The following TLK2 variants were observed in gnomAD, a reference collection of about 807,000 sequenced individuals.
TLK2 encodes the protein serine/threonine-protein kinase tousled-like 2.
TLK2 carries 6 observed loss-of-function variants against 117.3 expected under a neutral mutation model. That is an observed-to-expected ratio of 0.05 (90% CI 0.03 to 0.10). The LOEUF (loss-of-function observed/expected upper bound fraction) is 0.10, where lower values mean the gene tolerates loss of function less well. Among genes scored for constraint, TLK2 ranks in the 10% least tolerant of loss-of-function variants. The pLI is 1.00. For synonymous variants in TLK2, 257 were observed against 316.7 expected (o/e 0.81, Z 2.00); for missense variants, 299 against 901.2 (o/e 0.33, Z 8.56).
chr17:62,498,982 C>T (rs2073956736), intron 2 of TLK2, among the ~76,000 whole-genome samples: 1 of 152,104 alleles, frequency 6.6e-6, no homozygotes, highest in Non-Finnish European at 1.5e-5. Context: ...CCCACCTCAG[C>T]CTCCCTGAGT....
chr17:62,513,438 C>T (rs1448395407), intron 2 of TLK2, among the ~76,000 whole-genome samples: 4 of 150,552 alleles, frequency 2.7e-5, no homozygotes, highest in Admixed American at 6.7e-5. Flanking sequence ...CCGCCTGAGC[C>T]TTCTAATTAG....
At chr17:62,568,607 C>T (rs1167048535) in intron 11 of TLK2, among the ~76,000 whole-genome samples, 1 of 151,904 alleles carries the variant, frequency 6.6e-6, no homozygotes, top group African/African-American at 2.4e-5. Flanking sequence ...TATTTTGAGA[C>T]GGAGCCTCAC....
rs767956123 is a variant in TLK2, at chr17:62,552,290, C to T, written c.532-12C>T. On this transcript the variant is annotated splice_polypyrimidine_tract_variant and intron_variant, in intron 7 of 21. Transcript: ENST00000346027. Reference sequence around the variant, plus strand: ...AAACTTTCCTGTGATTGGTAATGCACCTTTATTGTAGGCTCAGCAAAACAG... The same window carrying T: ...AAACTTTCCTGTGATTGGTAATGCATCTTTATTGTAGGCTCAGCAAAACAG... 1.9e-6 allele frequency: 3 copies of T among 1,606,754 alleles called. No individual in the cohort carries two copies. Among genetic ancestry groups the T allele is most frequent in the South Asian group, 2.2e-5 (2 of 90,336 alleles).
At chr17:62,568,431 CAAA>C (rs57725124) in intron 11 of TLK2, among the ~76,000 whole-genome samples, 11 of 57,348 alleles carry the variant, frequency 1.9e-4, no homozygotes, top group Middle Eastern at 0.01. Flanking sequence ...GACCCTGTCT[CAAA>C]AAAAAAAAAA....
intron 20 of TLK2, among the ~76,000 whole-genome samples, chr17:62,606,468 A>G (rs1282816619): frequency 6.6e-6 from 1 of 152,210 alleles, no homozygotes; most frequent in Non-Finnish European, 1.5e-5. Flanking sequence ...GCTGTTAAAA[A>G]CATGCACTTT....
At position 62,520,732 on chromosome 17, in the gene TLK2, A is replaced by C. The variant is rs377372090; in HGVS notation, c.82-41A>C. On this transcript the variant is annotated intron_variant, in intron 2 of 21. Transcript: ENST00000346027. ...TCTTCTTCAGTTTTGCTATCCTCTTAGGATTAAAATTTATTTATTTATGAT... is the reference window on the plus strand; with the variant it reads ...TCTTCTTCAGTTTTGCTATCCTCTTCGGATTAAAATTTATTTATTTATGAT... 4.1e-5 allele frequency: 60 copies of C among 1,468,290 alleles called. 3 individuals carry two copies. The highest frequency in any genetic ancestry group is 2.2e-4 in the East Asian group (9 of 41,688). The allele number at this position is 1,468,290 out of a possible 1,614,324, so 91.0% of individuals were successfully genotyped here. A position where few individuals can be genotyped will look rare whatever the true frequency, so the allele number is the denominator to read the frequency against.
At chr17:62,574,206 C>G in intron 12 of TLK2, 1 of 1,347,860 alleles carries the variant, frequency 7.4e-7, no homozygotes, top group Non-Finnish European at 9.7e-7. Flanking sequence ...CTGTGGCATC[C>G]TAGAAGTGCA....
At chr17:62,578,925 TGTG>T (rs1199386317) in intron 14 of TLK2, among the ~76,000 whole-genome samples, 3 of 152,096 alleles carry the variant, frequency 2.0e-5, no homozygotes, top group Non-Finnish European at 4.4e-5. Context: ...TGGGTCACAG[TGTG>T]GTGTTGTGGA....
intron 2 of TLK2, among the ~76,000 whole-genome samples, chr17:62,487,279 G>A (rs1353081945): frequency 1.3e-5 from 2 of 149,504 alleles, no homozygotes; most frequent in Admixed American, 1.3e-4. Flanking sequence ...GCGACAGAGC[G>A]AGACTCTGTC....
chr17:62,536,140 T>A lies in TLK2; in HGVS notation c.364-30T>A, dbSNP rs763685465. On this transcript the variant is annotated intron_variant, in intron 6 of 21. Coordinates refer to ENST00000346027, the MANE Select transcript of TLK2 (RefSeq NM_006852.6). ...GCAGTATCAGATTATCTTTCTCATGTCATTTGTGTGTTTCTTTACTGTTTT... is the reference window on the plus strand; with the variant it reads ...GCAGTATCAGATTATCTTTCTCATGACATTTGTGTGTTTCTTTACTGTTTT... 3.1e-6 allele frequency: 5 copies of A among 1,599,600 alleles called. No individual in the cohort carries two copies. The Admixed American group carries it at 8.5e-5, about 27-fold the overall frequency.
intron 2 of TLK2, among the ~76,000 whole-genome samples, chr17:62,515,539 T>C (rs1377143318): frequency 2.0e-5 from 3 of 152,196 alleles, no homozygotes; most frequent in Admixed American, 2.0e-4. Flanking sequence ...CCTCAATGGA[T>C]GTGAGGCGGT....
intron 7 of TLK2, among the ~76,000 whole-genome samples, chr17:62,541,819 G>A (rs2077556659): frequency 6.6e-6 from 1 of 151,680 alleles, no homozygotes; most frequent in African/African-American, 2.4e-5. Context: ...TCCAGCCTGG[G>A]TGACAAAGTG....
At chr17:62,499,408 G>A (rs2073997510) in intron 2 of TLK2, among the ~76,000 whole-genome samples, 3 of 151,292 alleles carry the variant, frequency 2.0e-5, no homozygotes, top group African/African-American at 7.3e-5. Flanking sequence ...CAAGTGATTC[G>A]CCCACCTCAG....
rs115581187 is a variant in TLK2, at chr17:62,611,101, G to T, written c.2080-1291G>T. Among the ~76,000 whole-genome samples the T allele has an allele frequency of 2.4e-3, 359 of 152,248 alleles. 3 individuals are homozygous for T. Among genetic ancestry groups the T allele is most frequent in the African/African-American group, 6.7e-3 (277 of 41,526 alleles). On this transcript the variant is annotated intron_variant, in intron 21 of 21. Transcript: ENST00000346027. ...TACAATGAGCTATGATCATGCCCGTGCACTCCAGCCTGGGTGACAGAACGA... is the reference window on the plus strand; with the variant it reads ...TACAATGAGCTATGATCATGCCCGTTCACTCCAGCCTGGGTGACAGAACGA...
chr17:62,511,146 TTG>T (rs1209417091), intron 2 of TLK2, among the ~76,000 whole-genome samples: 1 of 152,240 alleles, frequency 6.6e-6, no homozygotes, highest in Admixed American at 6.5e-5. Flanking sequence ...CATGAATCAT[TTG>T]TGTGTGTGTA....
At chr17:62,490,552 T>C (rs2073003697) in intron 2 of TLK2, among the ~76,000 whole-genome samples, 1 of 152,204 alleles carries the variant, frequency 6.6e-6, no homozygotes, top group South Asian at 2.1e-4. Context: ...CTTTTTCTTT[T>C]TCTTTTTTGA....
chr17:62,574,435 A>G lies in TLK2; in HGVS notation c.1121+1068A>G, dbSNP rs183208888. On this transcript the variant is annotated intron_variant, in intron 12 of 21. Coordinates refer to ENST00000346027, the MANE Select transcript of TLK2 (RefSeq NM_006852.6). ...GGTGAGATGAACAGACGAATAAACT[A>G]ATAATTACATTAAGTATAGCGATAA... The G allele has an allele frequency of 5.8e-5, 58 of 1,004,928 alleles. No homozygotes were observed. In the Admixed American group the frequency reaches 9.3e-4, roughly 16 times the overall value. The allele number at this position is 1,004,928 out of a possible 1,614,324, so 62.3% of individuals were successfully genotyped here. A position where few individuals can be genotyped will look rare whatever the true frequency, so the allele number is the denominator to read the frequency against.
intron 6 of TLK2, among the ~76,000 whole-genome samples, chr17:62,529,294 G>C (rs1172582932): frequency 5.3e-5 from 8 of 152,196 alleles, no homozygotes; most frequent in Middle Eastern, 3.4e-3. Flanking sequence ...CTGGAGTTCA[G>C]TGCACGATCT....
intron 2 of TLK2, among the ~76,000 whole-genome samples, chr17:62,511,704 A>C (rs1304228838): frequency 6.6e-6 from 1 of 152,152 alleles, no homozygotes; most frequent in East Asian, 1.9e-4. Flanking sequence ...TTCACTTGGC[A>C]TAATTTCCTT....
Sources: allele counts gnomAD v4.1 joint callset (sites outside exome capture counted in the v4.1 genomes callset), GRCh38; gene constraint gnomAD v4.1.1; transcripts MANE v1.5; gene names NCBI Gene and HGNC (gene_info 2026-07-23, HGNC 2026-07-21).